Variants in THRB observed in about 807,000 individuals in gnomAD.
THRB encodes the protein nuclear receptor subfamily 1 group A member 2.
Under a neutral mutation model 47.8 loss-of-function variants are expected in THRB, and 12 were observed. The observed-to-expected ratio is 0.25, with a 90% CI of 0.16 to 0.41. THRB has a LOEUF of 0.41. THRB is among the 10% of genes least tolerant of loss of function. The pLI is 1.00. For missense variants in THRB, 348 were observed against 589.2 expected (o/e 0.59, Z 4.24); for synonymous variants, 218 against 212.2 (o/e 1.03, Z -0.24).
At chr3:24,165,639 C>T in intron 5 of THRB, 1 of 328,628 alleles carries the variant, frequency 3.0e-6, no homozygotes, top group Non-Finnish European at 5.5e-6. Context: ...TATCAAAGGT[C>T]TTAAGCTGTG....
chr3:24,328,826 A>C (rs2061741890), intron 2 of THRB, among the ~76,000 whole-genome samples: 1 of 152,184 alleles, frequency 6.6e-6, no homozygotes. Context: ...TCAAACAATT[A>C]CTTTGTTTAC....
intron 2 of THRB, among the ~76,000 whole-genome samples, chr3:24,299,766 C>CTTTTTTTTTTTTTTTTTTTTTTTTT (rs1360367092): frequency 1.7e-5 from 1 of 58,572 alleles, no homozygotes; most frequent in African/African-American, 8.1e-5. Flanking sequence ...GGGAAGTATG[C>CTTTTTTTTTTTTTTTTTTTTTTTTT]TTTTTTATTT....
chr3:24,395,438 CA>C (rs1269043660), intron 1 of THRB, among the ~76,000 whole-genome samples: 1 of 151,810 alleles, frequency 6.6e-6, no homozygotes, highest in Non-Finnish European at 1.5e-5. Flanking sequence ...ACGAATAATC[CA>C]ATTGGAAAAT....
At chr3:24,423,488 G>T (rs1414025703) in intron 1 of THRB, among the ~76,000 whole-genome samples, 1 of 151,544 alleles carries the variant, frequency 6.6e-6, no homozygotes, top group Non-Finnish European at 1.5e-5. Flanking sequence ...GCATTCCCAA[G>T]AATTAATCTA....
At chr3:24,482,547 C>CTCTG (rs1486536711) in intron 1 of THRB, among the ~76,000 whole-genome samples, 23 of 149,220 alleles carry the variant, frequency 1.5e-4, no homozygotes, top group African/African-American at 5.9e-4. Context: ...CCCTCTCTCT[C>CTCTG]TCTCTCTCTC....
intron 3 of THRB, among the ~76,000 whole-genome samples, chr3:24,259,620 C>CT (rs10671187): frequency 0.11 from 10,804 of 98,114 alleles, 808 homozygotes; most frequent in African/African-American, 0.2. Flanking sequence ...CTCTGCTTAC[C>CT]TTTTTTTTTT....
chr3:24,181,143 A>G (rs2041845417), intron 5 of THRB, among the ~76,000 whole-genome samples: 1 of 152,196 alleles, frequency 6.6e-6, no homozygotes, highest in Non-Finnish European at 1.5e-5. Context: ...CTGATTTCCC[A>G]ACTTATCCTG....
chr3:24,384,555 C>T (rs4300959), intron 1 of THRB, among the ~76,000 whole-genome samples: 150,823 of 152,226 alleles, frequency 0.99, 74,737 homozygotes, highest in Non-Finnish European at 1. Flanking sequence ...CTTTAGAGGA[C>T]AGACATCCAT....
intron 1 of THRB, among the ~76,000 whole-genome samples, chr3:24,367,008 C>T (rs1449287655): frequency 1.3e-5 from 2 of 152,170 alleles, no homozygotes; most frequent in Non-Finnish European, 2.9e-5. Context: ...CACAGCCTCT[C>T]ACTTTCAAAT....
intron 3 of THRB, among the ~76,000 whole-genome samples, chr3:24,296,424 G>A (rs2056452259): frequency 6.6e-6 from 1 of 152,198 alleles, no homozygotes; most frequent in Non-Finnish European, 1.5e-5. Context: ...TTGTTAGGAC[G>A]GGCAATTCTT....
At chr3:24,387,172 C>A (rs543358641) in intron 1 of THRB, among the ~76,000 whole-genome samples, 1 of 152,218 alleles carries the variant, frequency 6.6e-6, no homozygotes, top group South Asian at 2.1e-4. Flanking sequence ...GTTGTTGGCA[C>A]AAAACCACAT....
intron 5 of THRB, chr3:24,165,094 A>G: frequency 3.9e-6 from 3 of 764,998 alleles, no homozygotes; most frequent in Non-Finnish European, 7.2e-6. Flanking sequence ...TGAAATATTC[A>G]GGTTGGCTGT....
chr3:24,452,049 C>G (rs2072715278), intron 1 of THRB, among the ~76,000 whole-genome samples: 1 of 152,104 alleles, frequency 6.6e-6, no homozygotes, highest in African/African-American at 2.4e-5. Context: ...TTGCCCGAGG[C>G]TGAGGACTAG....
chr3:24,416,251 T>C (rs2068722781), intron 1 of THRB, among the ~76,000 whole-genome samples: 2 of 151,796 alleles, frequency 1.3e-5, no homozygotes, highest in African/African-American at 2.4e-5. Flanking sequence ...GAAGAAGAGA[T>C]ACTTGAATCC....
chr3:24,455,583 C>T (rs2073094040), intron 1 of THRB, among the ~76,000 whole-genome samples: 1 of 152,142 alleles, frequency 6.6e-6, no homozygotes, highest in Non-Finnish European at 1.5e-5. Context: ...TAAAAATAAT[C>T]AGACTAGACA....
At chr3:24,241,404 C>T (rs770923456) in intron 3 of THRB, among the ~76,000 whole-genome samples, 4 of 152,144 alleles carry the variant, frequency 2.6e-5, no homozygotes, top group African/African-American at 9.7e-5. Flanking sequence ...GACAGGTCAC[C>T]CTACTGTCCT....
intron 2 of THRB, among the ~76,000 whole-genome samples, chr3:24,303,542 G>T (rs1333280103): frequency 6.6e-6 from 1 of 152,174 alleles, no homozygotes; most frequent in African/African-American, 2.4e-5. Flanking sequence ...ATCTATAGCT[G>T]ACCACAGACG....
At chr3:24,146,236 C>T (rs2036083706) in intron 7 of THRB, among the ~76,000 whole-genome samples, 1 of 152,168 alleles carries the variant, frequency 6.6e-6, no homozygotes, top group Admixed American at 6.5e-5. Flanking sequence ...AAATAAATTC[C>T]TGTCTTTGCT....
intron 1 of THRB, among the ~76,000 whole-genome samples, chr3:24,456,119 A>C (rs2073148294): frequency 6.6e-6 from 1 of 152,084 alleles, no homozygotes; most frequent in Non-Finnish European, 1.5e-5. Flanking sequence ...GCTTGAGGTC[A>C]AGAGTTTGAG....
Sources: allele counts gnomAD v4.1 joint callset (sites outside exome capture counted in the v4.1 genomes callset), GRCh38; gene constraint gnomAD v4.1.1; transcripts MANE v1.5; gene names NCBI Gene and HGNC (gene_info 2026-07-23, HGNC 2026-07-21).